The following MYO9A variants were observed in gnomAD, a reference collection of about 807,000 sequenced individuals.
The protein encoded by MYO9A is unconventional myosin-IXa.
MYO9A carries 103 observed loss-of-function variants against 293.3 expected under a neutral mutation model. The ratio of observed to expected loss-of-function variants is 0.35; its 90% CI spans 0.30 to 0.41. The LOEUF (loss-of-function observed/expected upper bound fraction) is 0.41, where lower values mean the gene tolerates loss of function less well. Among genes scored for constraint, MYO9A ranks in the 10% least tolerant of loss-of-function variants. The pLI, the probability that MYO9A is intolerant of heterozygous loss-of-function variation, is 1.00. For missense variants in MYO9A, 2,685 were observed against 3,033.0 expected (o/e 0.89, Z 2.69); for synonymous variants, 1,001 against 1,035.7 (o/e 0.97, Z 0.64).
intron 9 of MYO9A, among the ~76,000 whole-genome samples, chr15:71,999,295 G>C (rs527236422): frequency 6.6e-6 from 1 of 151,740 alleles, no homozygotes; most frequent in Non-Finnish European, 1.5e-5. Flanking sequence ...TATAATAGTA[G>C]CAACAAGTAT....
chr15:72,102,175 T>G (rs1393686691), intron 1 of MYO9A, among the ~76,000 whole-genome samples: 2 of 151,166 alleles, frequency 1.3e-5, no homozygotes, highest in Non-Finnish European at 3.0e-5. Context: ...CCTGTTGATC[T>G]GTGACCTTAC....
intron 11 of MYO9A, among the ~76,000 whole-genome samples, chr15:71,989,606 G>A (rs990918997): frequency 1.3e-5 from 2 of 152,032 alleles, no homozygotes; most frequent in Non-Finnish European, 2.9e-5. Flanking sequence ...CCAAGCCCAT[G>A]GTAGCAATTA....
chr15:72,056,109 C>T (rs2078711030), intron 1 of MYO9A, among the ~76,000 whole-genome samples: 1 of 152,028 alleles, frequency 6.6e-6, no homozygotes, highest in Non-Finnish European at 1.5e-5. Flanking sequence ...GGGCCTGTAG[C>T]CCCAACTACT....
intron 4 of MYO9A, 61 bp downstream of exon 4, chr15:72,027,670 A>T: frequency 7.7e-7 from 1 of 1,300,388 alleles, no homozygotes; most frequent in Non-Finnish European, 1.1e-6. Context: ...AAAGACCTTA[A>T]AAGTCAGTCT....
intron 18 of MYO9A, among the ~76,000 whole-genome samples, chr15:71,921,758 G>A (rs2145079881): frequency 6.6e-6 from 1 of 152,160 alleles, no homozygotes; most frequent in East Asian, 1.9e-4. Flanking sequence ...TTCCCTCAAT[G>A]ATCTTTTTTC....
intron 1 of MYO9A, among the ~76,000 whole-genome samples, chr15:72,065,185 G>A (rs899142067): frequency 2.6e-5 from 4 of 152,096 alleles, no homozygotes; most frequent in Non-Finnish European, 5.9e-5. Flanking sequence ...ACCATGAAAG[G>A]TAATAAAATT....
intron 1 of MYO9A, among the ~76,000 whole-genome samples, chr15:72,069,810 G>T (rs192306310): frequency 1.1e-4 from 17 of 151,932 alleles, no homozygotes; most frequent in Admixed American, 1.1e-3. Context: ...CAATTAGAAT[G>T]GGGGGGTGGG....
Position 71,999,878 on chromosome 15 carries a change from C to T in MYO9A, c.1443G>A (p.Lys481=). Reference sequence around the variant, plus strand: ...CTGCCAACTTGTATGGCAAAATAAGCTTTTCTCCCACTGTCACCGTCTTCC... The same window carrying T: ...CTGCCAACTTGTATGGCAAAATAAGTTTTTCTCCCACTGTCACCGTCTTCC... ...VTRKTVTVGE[K]LILPYKLAEA... The change falls in exon 9 of 42, where the codon AAG becomes AAA. Residue 481 remains lysine (K), a synonymous_variant. Transcript: ENST00000356056. 3 of 1,612,086 alleles carry T rather than the reference C, an allele frequency of 1.9e-6. No homozygotes were observed. The highest frequency in any genetic ancestry group is 1.7e-6 in the Non-Finnish European group (2 of 1,179,220).
intron 9 of MYO9A, among the ~76,000 whole-genome samples, chr15:71,996,982 A>G (rs985125876): frequency 2.6e-5 from 4 of 152,086 alleles, no homozygotes; most frequent in Non-Finnish European, 5.9e-5. Flanking sequence ...AACCCAAACC[A>G]GTTTATTTTT....
intron 1 of MYO9A, among the ~76,000 whole-genome samples, chr15:72,086,124 G>A (rs1317200637): frequency 1.3e-5 from 2 of 152,194 alleles, no homozygotes; most frequent in Non-Finnish European, 2.9e-5. Flanking sequence ...CCATGTGCCA[G>A]TGGCAGCACA....
chr15:71,985,594 C>T (rs1221440103), intron 11 of MYO9A, among the ~76,000 whole-genome samples: 1 of 152,056 alleles, frequency 6.6e-6, no homozygotes, highest in East Asian at 1.9e-4. Flanking sequence ...CAGAAGAAAA[C>T]CCTGCTCAAT....
intron 2 of MYO9A, among the ~76,000 whole-genome samples, chr15:72,036,017 T>G (rs1410573544): frequency 6.6e-6 from 1 of 152,112 alleles, no homozygotes; most frequent in Non-Finnish European, 1.5e-5. Context: ...TATGATTACT[T>G]ATTTCAAAAA....
intron 11 of MYO9A, among the ~76,000 whole-genome samples, chr15:71,987,298 T>C (rs2076430912): frequency 2.0e-5 from 3 of 152,206 alleles, no homozygotes; most frequent in South Asian, 4.1e-4. Context: ...AACTAGTTCA[T>C]AGATTTTTCT....
intron 19 of MYO9A, among the ~76,000 whole-genome samples, chr15:71,914,582 C>T (rs895425251): frequency 3.9e-5 from 6 of 152,078 alleles, no homozygotes; most frequent in Non-Finnish European, 5.9e-5. Flanking sequence ...ACAATGCATA[C>T]GTGTAAATTT....
rs1567260909 is a variant in MYO9A, at chr15:71,910,182, A to ATATATATATATATATAT, written c.2686-5177_2686-5176insATATATATATATATATA. ...TATATATACGTGTATATATATATAT[A>ATATATATATATATATAT]AAATCAGAAACTCAGAAGCCCCTTT... On this transcript the variant is annotated intron_variant, in intron 19 of 41. Transcript: ENST00000356056. Among the ~76,000 whole-genome samples the ATATATATATATATATAT allele has an allele frequency of 6.2e-5, 9 of 145,724 alleles. No individual in the cohort carries two copies. The South Asian group carries it at 6.4e-4, about 10-fold the overall frequency.
In MYO9A at chr15:71,827,022, G is replaced by A. The variant is rs1595974315; in HGVS notation, c.7205C>T (p.Ser2402Phe). The A allele has an allele frequency of 6.3e-7, 1 of 1,595,028 alleles. No homozygotes were observed. The highest frequency in any genetic ancestry group is 1.8e-5 in the Admixed American group (1 of 56,030). ...EKSERSLALS[S>F]LKTAGKSEPS... is the part of the protein sequence containing the mutation. ...TTCAGACTTGCCAGCTGTCTTCAGG[G>A]AGCTAAGGGCTAAGCTTCTTTCTAA... Residue 2402 changes from serine (S) to phenylalanine (F), a missense_variant, in exon 42 of 42, where the codon TCC becomes TTC. By Grantham distance (155) the Ser-to-Phe change is radical. Transcript: ENST00000356056.
intron 11 of MYO9A, among the ~76,000 whole-genome samples, chr15:71,985,218 C>G (rs1262716811): frequency 1.3e-5 from 2 of 152,164 alleles, no homozygotes; most frequent in Non-Finnish European, 2.9e-5. Flanking sequence ...CCATGCCCGG[C>G]CACATTTCTC....
rs529117286 is a variant in MYO9A at position 72,085,485 on chromosome 15, C to G, written c.-72+32195G>C. On this transcript the variant is annotated intron_variant, in intron 1 of 41. Coordinates refer to ENST00000356056, the MANE Select transcript of MYO9A (RefSeq NM_006901.4). ...TCAGCTCATTCGGGTTGGTTACATTCTTTTCTATAATGGCTATTTCATCTG... is the reference window on the plus strand; with the variant it reads ...TCAGCTCATTCGGGTTGGTTACATTGTTTTCTATAATGGCTATTTCATCTG... Among the ~76,000 whole-genome samples the G allele has an allele frequency of 3.3e-5, 5 of 151,648 alleles. No homozygotes were observed. The South Asian group carries it at 1.0e-3, about 32-fold the overall frequency.
intron 23 of MYO9A, 126 bp from the exon 24 acceptor site, chr15:71,900,132 G>T: frequency 9.7e-7 from 1 of 1,036,206 alleles, no homozygotes; most frequent in Non-Finnish European, 1.4e-6. Flanking sequence ...TAAATTCTTG[G>T]TGATTAAAAA....
Sources: allele counts gnomAD v4.1 joint callset (sites outside exome capture counted in the v4.1 genomes callset), GRCh38; gene constraint gnomAD v4.1.1; transcripts MANE v1.5; gene names NCBI Gene and HGNC (gene_info 2026-07-23, HGNC 2026-07-21).